The following PSMG1 variants were observed in gnomAD, a reference collection of about 807,000 sequenced individuals.
PSMG1 encodes the protein proteasome assembly chaperone 1, also known as Down syndrome critical region gene 2.
A neutral mutation model predicts 37.2 loss-of-function variants in PSMG1; 23 were observed. The ratio of observed to expected loss-of-function variants is 0.62; its 90% CI spans 0.44 to 0.88. The LOEUF is 0.88. PSMG1 is among the 40% of genes least tolerant of loss of function. The pLI is 0.00. For missense variants in PSMG1, 340 were observed against 344.2 expected (o/e 0.99, Z 0.10); for synonymous variants, 127 against 128.0 (o/e 0.99, Z 0.05).
intron 6 of PSMG1, 92 bp from the exon 7 acceptor site, chr21:39,175,756 C>T (rs1046257414): frequency 2.0e-5 from 17 of 832,454 alleles, no homozygotes; most frequent in South Asian, 1.3e-4. Flanking sequence ...TCTCCACACT[C>T]GAGACTTAAA....
chr21:39,179,258 G>C (rs1200825175), intron 4 of PSMG1, among the ~76,000 whole-genome samples: 1 of 152,102 alleles, frequency 6.6e-6, no homozygotes, highest in African/African-American at 2.4e-5. Flanking sequence ...CCCAGCCTCA[G>C]GTATTCTTTA....
intron 1 of PSMG1, among the ~76,000 whole-genome samples, chr21:39,182,441 G>T (rs780037692): frequency 2.6e-4 from 39 of 152,300 alleles, no homozygotes; most frequent in South Asian, 4.1e-4. Flanking sequence ...CATTCACGCA[G>T]ACCACTGTAA....
intron 2 of PSMG1, 121 bp from the exon 3 acceptor site, chr21:39,180,557 T>C: frequency 1.1e-6 from 1 of 951,366 alleles, no homozygotes; most frequent in Non-Finnish European, 1.5e-6. Context: ...CAAGACCGTC[T>C]ACCTAATACC....
rs1414189085 is a variant in PSMG1, at chr21:39,175,034, T to C, written c.*556A>G. The C allele has an allele frequency of 4.6e-5, 7 of 152,212 alleles. No homozygotes were observed. Among genetic ancestry groups the C allele is most frequent in the African/African-American group, 1.7e-4 (7 of 41,452 alleles). 9.4% of individuals were successfully genotyped at this position (152,212 alleles called of 1,614,324 possible). A position where few individuals can be genotyped will look rare whatever the true frequency, so the allele number is the denominator to read the frequency against. On this transcript the variant is annotated 3_prime_UTR_variant, in exon 7 of 7. Coordinates refer to ENST00000331573, the MANE Select transcript of PSMG1 (RefSeq NM_003720.4). ...AAAAAACTGCAGGACTCCTAAAATA[T>C]CCAGAAACTTTCCACATATTAAGAA... is the stretch of plus-strand genomic sequence containing the variant.
chr21:39,179,545 T>C (rs1388169399), intron 4 of PSMG1, among the ~76,000 whole-genome samples: 1 of 151,996 alleles, frequency 6.6e-6, no homozygotes, highest in Non-Finnish European at 1.5e-5. Flanking sequence ...AGTAGAAGAG[T>C]CTGGATTTGA....
At chr21:39,180,550 G>T in intron 2 of PSMG1, 114 bp from the exon 3 acceptor site, 1 of 1,101,442 alleles carries the variant, frequency 9.1e-7, no homozygotes, top group Non-Finnish European at 1.2e-6. Context: ...AGCCATTCAA[G>T]ACCGTCTACC....
At chr21:39,178,230 A>T (rs1195982879) in intron 5 of PSMG1, among the ~76,000 whole-genome samples, 3 of 152,234 alleles carry the variant, frequency 2.0e-5, no homozygotes, top group Non-Finnish European at 4.4e-5. Flanking sequence ...TCTGAAGCCC[A>T]ACAGTTAAGA....
At position 39,183,246 on chromosome 21, in the gene PSMG1, C is replaced by T; in HGVS notation, c.134+6G>A. ...TGAGCGCGCTGCCCTTATCCCGGTG[C>T]CTCACCTCTTCCGCGCCAGCTGCAG... On this transcript the variant is annotated splice_donor_region_variant and intron_variant, in intron 1 of 6. Transcript: ENST00000331573. 6.3e-7 allele frequency: 1 copy of T among 1,578,176 alleles called. No individual in the cohort carries two copies. Among genetic ancestry groups the T allele is most frequent in the Non-Finnish European group, 8.6e-7 (1 of 1,165,910 alleles).
Position 39,174,969 on chromosome 21 carries a change from AATTTT to A in PSMG1, c.*616_*620del, listed in dbSNP as rs2030578983. 1 of 152,214 alleles carries A rather than the reference AATTTT, an allele frequency of 6.6e-6. No homozygotes were observed. Among genetic ancestry groups the A allele is most frequent in the African/African-American group, 2.4e-5 (1 of 41,456 alleles). 9.4% of individuals were successfully genotyped at this position (152,214 alleles called of 1,614,324 possible). A position where few individuals can be genotyped will look rare whatever the true frequency, so the allele number is the denominator to read the frequency against. ...TCTGTTTCATTTTTAGTAAATATATAATTTTGTTACTTTGTCATCAATTTTTACCC... is the reference window on the plus strand; with the variant it reads ...TCTGTTTCATTTTTAGTAAATATATAGTTACTTTGTCATCAATTTTTACCC... On this transcript the variant is annotated 3_prime_UTR_variant, in exon 7 of 7. Coordinates refer to ENST00000331573, the MANE Select transcript of PSMG1 (RefSeq NM_003720.4).
At position 39,183,425 on chromosome 21, in the gene PSMG1, G is replaced by C. The variant is rs13052882; in HGVS notation, c.-40C>G. The stretch of plus-strand genomic sequence containing the variant: ...CGGCTGGACACAACTGCAGCGCCGC[G>C]GGACCGCACGCCGGCTTGCGCGAGA... On this transcript the variant is annotated 5_prime_UTR_variant, in exon 1 of 7. Coordinates refer to ENST00000331573, the MANE Select transcript of PSMG1 (RefSeq NM_003720.4). 513,306 of 1,539,094 alleles carry C rather than the reference G, an allele frequency of 0.33. 90,270 individuals are homozygous for C. Among genetic ancestry groups the C allele is most frequent in the Non-Finnish European group, 0.36 (415,260 of 1,147,652 alleles).
At chr21:39,183,228 G>T (rs377336363) in intron 1 of PSMG1, 24 bp downstream of exon 1, 4 of 1,554,592 alleles carry the variant, frequency 2.6e-6, no homozygotes, top group Non-Finnish European at 3.5e-6. Context: ...CGGTGAGCGC[G>T]CTGCCCTTAT....
chr21:39,183,298 C>A lies in PSMG1; in HGVS notation c.88G>T (p.Glu30Ter). ...CGCACCTCCCTGTCCTCGGGCGTCTCCCTCCGCCCCTCCTCCTCCTCCTCT... is the reference window on the plus strand; with the variant it reads ...CGCACCTCCCTGTCCTCGGGCGTCTACCTCCGCCCCTCCTCCTCCTCCTCT... ...DEEEEEEGRR[E>*]TPEDREVRLQ... The change falls in exon 1 of 7, where the codon GAG (glutamate) becomes TAG (stop). Residue 30 changes from glutamate (E) to a stop codon, truncating the protein, a stop_gained. Transcript: ENST00000331573. LOFTEE classifies it high-confidence loss of function. The A allele has an allele frequency of 6.3e-7, 1 of 1,584,594 alleles. No individual in the cohort carries two copies.
At chr21:39,181,563 C>G (rs1468732797) in intron 2 of PSMG1, among the ~76,000 whole-genome samples, 1 of 151,564 alleles carries the variant, frequency 6.6e-6, no homozygotes, top group Non-Finnish European at 1.5e-5. Flanking sequence ...CAAGACCAGC[C>G]TGGGCAACAC....
chr21:39,180,447 C>T lies in PSMG1; in HGVS notation c.242-11G>A, dbSNP rs1162201039. On this transcript the variant is annotated splice_polypyrimidine_tract_variant and intron_variant, in intron 2 of 6. Coordinates refer to ENST00000331573, the MANE Select transcript of PSMG1 (RefSeq NM_003720.4). The stretch of plus-strand genomic sequence containing the variant: ...ATGATGACAGAAATGCTGTAAAAAA[C>T]AATTCACATAAGTTAGTGTTTGGCT... 1 of 1,570,918 alleles carries T rather than the reference C, an allele frequency of 6.4e-7. No individual in the cohort carries two copies. The highest frequency in any genetic ancestry group is 8.6e-7 in the Non-Finnish European group (1 of 1,158,014).
At chr21:39,179,845 T>G in intron 4 of PSMG1, 79 bp downstream of exon 4, 1 of 1,182,690 alleles carries the variant, frequency 8.5e-7, no homozygotes, top group Non-Finnish European at 1.2e-6. Context: ...TGCATAAGTT[T>G]AAGTTAAAAG....
Position 39,179,378 on chromosome 21 carries a change from G to A in PSMG1, c.456+546C>T, listed in dbSNP as rs114440152. Among the ~76,000 whole-genome samples the A allele has an allele frequency of 3.9e-3, 592 of 152,164 alleles. 3 individuals carry two copies. The highest frequency in any genetic ancestry group is 0.014 in the African/African-American group (565 of 41,502). Reference sequence around the variant, plus strand: ...CCAGAATAGCGACTACAGGTCTGCCGTCCAGAGAAAAAAAGTCACAGGTAC... The same window carrying A: ...CCAGAATAGCGACTACAGGTCTGCCATCCAGAGAAAAAAAGTCACAGGTAC... On this transcript the variant is annotated intron_variant, in intron 4 of 6. Coordinates refer to ENST00000331573, the MANE Select transcript of PSMG1 (RefSeq NM_003720.4).
rs2030766316 is a variant in PSMG1, at chr21:39,179,968, T to C, written c.412A>G (p.Ser138Gly). 6.2e-7 allele frequency: 1 copy of C among 1,613,102 alleles called. No individual in the cohort carries two copies. Residue 138 changes from serine (S) to glycine (G), a missense_variant, in exon 4 of 7, where the codon AGT (serine) becomes GGT (glycine). Transcript: ENST00000331573. ...TGTTGATCTTCTGCAACATAGCAAC[T>C]GCACTGACAGAGAAAAACCTGAAAA... is the stretch of plus-strand genomic sequence containing the variant. ...SNPSVFLCQC[S>G]CYVAEDQQYQ... is the part of the protein sequence containing the mutation.
chr21:39,183,193 G>C, intron 1 of PSMG1, 59 bp downstream of exon 1: 4 of 1,474,774 alleles, frequency 2.7e-6, no homozygotes, highest in Non-Finnish European at 3.6e-6. Context: ...CGTCGCGGCT[G>C]CCAGGCCCGC....
intron 6 of PSMG1, among the ~76,000 whole-genome samples, chr21:39,175,977 C>A (rs112489328): frequency 8.5e-5 from 13 of 152,308 alleles, no homozygotes; most frequent in African/African-American, 2.6e-4. Flanking sequence ...CCACACTCCT[C>A]ACGGCTCTCC....
Sources: gnomAD v4.1 joint callset for allele counts (sites outside exome capture counted in the v4.1 genomes callset) on GRCh38, gnomAD v4.1.1 for gene constraint, MANE v1.5 for transcripts, NCBI Gene and HGNC (gene_info 2026-07-23, HGNC 2026-07-21) for gene names.